CNTN4: variants seen among roughly 807,000 people sequenced by gnomAD.
CNTN4 encodes contactin-4.
A neutral mutation model predicts 122.5 loss-of-function variants in CNTN4; 77 were observed. The ratio of observed to expected loss-of-function variants is 0.63; its 90% CI spans 0.52 to 0.76. The LOEUF (loss-of-function observed/expected upper bound fraction) is 0.76. Ranked by LOEUF, CNTN4 falls within the 30% of genes least tolerant of loss-of-function variation. The pLI is 0.00. For synonymous variants in CNTN4, 512 were observed against 447.0 expected (o/e 1.15, Z -1.83); for missense variants, 1,256 against 1,259.1 (o/e 1.00, Z 0.04).
At chr3:2,687,208 A>G (rs2085474185) in intron 4 of CNTN4, among the ~76,000 whole-genome samples, 1 of 11,316 alleles carries the variant, frequency 8.8e-5, no homozygotes, top group South Asian at 1.7e-3. Flanking sequence ...GTGGAGTTAC[A>G]TGTCTGCAGT....
chr3:2,798,503 G>T (rs1302059373), intron 6 of CNTN4, among the ~76,000 whole-genome samples: 2 of 151,870 alleles, frequency 1.3e-5, no homozygotes, highest in East Asian at 3.9e-4. Context: ...ATATGTGAAT[G>T]CAGGTATCTT....
rs149070129 is a variant in CNTN4 at position 2,659,762 on chromosome 3, A to T, written c.56-76453A>T. ...TTTGTCATAATATCTGGTATATTTG[A>T]TATGGACAAATATTTGTTTGATTGT... On this transcript the variant is annotated intron_variant, in intron 4 of 24. Transcript: ENST00000418658. 3.2e-3 allele frequency among the ~76,000 whole-genome samples: 491 copies of T among 152,226 alleles called. 2 individuals are homozygous for T. The highest frequency in any genetic ancestry group is 0.014 in the Middle Eastern group (4 of 294).
chr3:2,322,112 A>T (rs1287136359), intron 2 of CNTN4, among the ~76,000 whole-genome samples: 1 of 152,222 alleles, frequency 6.6e-6, no homozygotes, highest in African/African-American at 2.4e-5. Flanking sequence ...TGTCTGTATG[A>T]TAAAGTATAC....
intron 3 of CNTN4, among the ~76,000 whole-genome samples, chr3:2,547,070 T>C (rs1209960698): frequency 6.6e-6 from 1 of 151,752 alleles, no homozygotes; most frequent in East Asian, 1.9e-4. Flanking sequence ...TCGATGTAGG[T>C]GATAAAAATA....
At chr3:2,547,953 TG>T (rs1416606196) in intron 3 of CNTN4, among the ~76,000 whole-genome samples, 2 of 152,158 alleles carry the variant, frequency 1.3e-5, no homozygotes, top group Non-Finnish European at 2.9e-5. Flanking sequence ...ACAGACTAGG[TG>T]TATCTGTTCT....
Position 2,882,999 on chromosome 3 carries a change from G to A in CNTN4, c.653-146G>A. The A allele has an allele frequency of 4.7e-6, 3 of 644,096 alleles. No homozygotes were observed. The Admixed American group carries it at 6.6e-5, about 14-fold the overall frequency. 39.9% of individuals were successfully genotyped at this position (644,096 alleles called of 1,614,324 possible). On this transcript the variant is annotated intron_variant, in intron 8 of 24. Coordinates refer to ENST00000418658, the MANE Select transcript of CNTN4 (RefSeq NM_175607.3). ...GGGAGAAGAGCCACAATTCATGACT[G>A]CTGGAGATAGGACCTGCTTTAAATG...
intron 2 of CNTN4, among the ~76,000 whole-genome samples, chr3:2,140,888 T>A (rs558366319): frequency 6.6e-6 from 1 of 152,196 alleles, no homozygotes; most frequent in South Asian, 2.1e-4. Context: ...GTTGACTGTT[T>A]CATTGTGTCG....
At chr3:2,387,171 G>A (rs980844823) in intron 3 of CNTN4, among the ~76,000 whole-genome samples, 2 of 152,108 alleles carry the variant, frequency 1.3e-5, no homozygotes, top group Non-Finnish European at 2.9e-5. Flanking sequence ...TAATTTAAAT[G>A]AATGAAATAT....
chr3:2,443,310 A>G (rs1378237132), intron 3 of CNTN4, among the ~76,000 whole-genome samples: 1 of 152,166 alleles, frequency 6.6e-6, no homozygotes, highest in East Asian at 1.9e-4. Flanking sequence ...CCCATCCAGC[A>G]CTGAGTAGGA....
chr3:2,104,313 G>A (rs963281794), intron 2 of CNTN4, among the ~76,000 whole-genome samples: 8 of 151,786 alleles, frequency 5.3e-5, no homozygotes, highest in South Asian at 2.1e-4. Flanking sequence ...AGGTTTTCAT[G>A]TGCTTACTGT....
At chr3:2,353,628 C>A (rs2044738170) in intron 3 of CNTN4, among the ~76,000 whole-genome samples, 1 of 152,066 alleles carries the variant, frequency 6.6e-6, no homozygotes, top group Non-Finnish European at 1.5e-5. Context: ...ACTCCGGACA[C>A]ACCATCTTTT....
intron 3 of CNTN4, among the ~76,000 whole-genome samples, chr3:2,504,553 A>G (rs2076682172): frequency 6.6e-6 from 1 of 152,174 alleles, no homozygotes; most frequent in Non-Finnish European, 1.5e-5. Context: ...CCATTCTTAT[A>G]ACAAATGACT....
chr3:2,429,673 C>T (rs1461791273), intron 3 of CNTN4, among the ~76,000 whole-genome samples: 1 of 152,170 alleles, frequency 6.6e-6, no homozygotes, highest in African/African-American at 2.4e-5. Context: ...GTGCCATGCC[C>T]CGAAGAGTTG....
At chr3:2,842,698 A>C (rs1313621859) in intron 7 of CNTN4, among the ~76,000 whole-genome samples, 1 of 152,150 alleles carries the variant, frequency 6.6e-6, no homozygotes, top group Non-Finnish European at 1.5e-5. Context: ...GCTGATGATA[A>C]ATTCTTAGTT....
At chr3:2,708,727 T>TCACTCACA (rs1553616852) in intron 4 of CNTN4, among the ~76,000 whole-genome samples, 1 of 150,894 alleles carries the variant, frequency 6.6e-6, no homozygotes, top group African/African-American at 2.4e-5. Flanking sequence ...CACGCGCGCA[T>TCACTCACA]CACACACACA....
chr3:2,385,210 T>C lies in CNTN4; in HGVS notation c.-89+45977T>C, dbSNP rs2046202216. Among the ~76,000 whole-genome samples, 1 of 152,200 alleles carries C rather than the reference T, an allele frequency of 6.6e-6. No homozygotes were observed. Among genetic ancestry groups the C allele is most frequent in the Non-Finnish European group, 1.5e-5 (1 of 68,030 alleles). The stretch of plus-strand genomic sequence containing the variant: ...CCAAACTCTTTTTAAAAATAATCTG[T>C]CTACTACTCAACTTTCTACTCAGTT... On this transcript the variant is annotated intron_variant, in intron 3 of 24. Coordinates refer to ENST00000418658, the MANE Select transcript of CNTN4 (RefSeq NM_175607.3). This position sits in a 1 kb window ranked among gnomAD's most constrained non-coding sequence, Gnocchi z 4.0.
intron 14 of CNTN4, among the ~76,000 whole-genome samples, chr3:3,024,034 A>G (rs1698511092): frequency 6.6e-6 from 1 of 152,204 alleles, no homozygotes; most frequent in Non-Finnish European, 1.5e-5. Context: ...AGTGCTTAAC[A>G]GTGCTAAGGG....
chr3:2,281,561 C>T (rs1187220154), intron 2 of CNTN4, among the ~76,000 whole-genome samples: 1 of 152,030 alleles, frequency 6.6e-6, no homozygotes, highest in Non-Finnish European at 1.5e-5. Context: ...ATTTCAGAGG[C>T]CTTCTGAAGC....
chr3:2,718,540 G>A (rs2087643717), intron 4 of CNTN4, among the ~76,000 whole-genome samples: 1 of 152,128 alleles, frequency 6.6e-6, no homozygotes, highest in Non-Finnish European at 1.5e-5. Context: ...CCCAGACAAG[G>A]TTGGTTATAT....
Sources: gnomAD v4.1 joint callset for allele counts (sites outside exome capture counted in the v4.1 genomes callset) on GRCh38, gnomAD v4.1.1 for gene constraint, Gnocchi (gnomAD v3.1) non-coding constraint, MANE v1.5 for transcripts, NCBI Gene and HGNC (gene_info 2026-07-23, HGNC 2026-07-21) for gene names.